The following SEPTIN6 variants were observed in gnomAD, a reference collection of about 807,000 sequenced individuals.
SEPTIN6 encodes the protein septin 6.
SEPTIN6 carries 8 observed loss-of-function variants against 33.6 expected under a neutral mutation model. That is an observed-to-expected ratio of 0.24 (90% CI 0.14 to 0.43). The LOEUF (loss-of-function observed/expected upper bound fraction) is 0.43. Among genes scored for constraint, SEPTIN6 ranks in the 20% least tolerant of loss-of-function variants. The probability of loss-of-function intolerance (pLI) is 1.00; values close to 1 mark genes in which losing one functional copy is unlikely to be tolerated. For missense variants in SEPTIN6, 250 were observed against 340.8 expected, an observed-to-expected ratio of 0.73 and a Z score of 2.10; for synonymous variants, 131 against 140.0, an observed-to-expected ratio of 0.94 and a Z score of 0.45.
intron 1 of SEPTIN6, among the ~76,000 whole-genome samples, chrX:119,679,111 T>G (rs566582547): frequency 1.0e-3 from 114 of 110,333 alleles, no homozygotes; most frequent in African/African-American, 3.6e-3. Context: ...GGCTAATTTT[T>G]TGTATATTTT....
chrX:119,680,333 G>A (rs923984944), intron 1 of SEPTIN6, among the ~76,000 whole-genome samples: 5 of 108,368 alleles, frequency 4.6e-5, no homozygotes, highest in African/African-American at 1.7e-4. Flanking sequence ...CTCAGCCTCC[G>A]GAGTAGCTGG....
At chrX:119,677,096 C>A (rs2054854729) in intron 1 of SEPTIN6, among the ~76,000 whole-genome samples, 1 of 110,002 alleles carries the variant, frequency 9.1e-6, no homozygotes, top group Non-Finnish European at 1.9e-5. Context: ...TATCCTTACA[C>A]CCCCAGCCTG....
intron 10 of SEPTIN6, among the ~76,000 whole-genome samples, chrX:119,623,349 A>G (rs2053799831): frequency 8.9e-6 from 1 of 111,752 alleles, no homozygotes; most frequent in South Asian, 3.7e-4. Context: ...TTAAAGAATC[A>G]TTATCTCTTG....
At chrX:119,670,140 G>T (rs1457751249) in intron 2 of SEPTIN6, among the ~76,000 whole-genome samples, 2 of 111,358 alleles carry the variant, frequency 1.8e-5, no homozygotes, top group African/African-American at 6.5e-5. Flanking sequence ...AAAGCTAAGG[G>T]ACTAGTATAT....
chrX:119,640,168 C>CTTTTTTTT (rs57021804), intron 6 of SEPTIN6, among the ~76,000 whole-genome samples: 45 of 20,174 alleles, frequency 2.2e-3, no homozygotes, highest in South Asian at 5.0e-3. Flanking sequence ...ACTATCCAGT[C>CTTTTTTTT]TTTTTTTTTT....
rs753118480 is a variant in SEPTIN6 at position 119,629,577 on chromosome X, G to A, written c.1090-69C>T. ...CAGTCCCCAGCCTGGCCAAGCCCAG[G>A]TGGGTGGGGACCAGTAGGGCTGTGA... is the stretch of plus-strand genomic sequence containing the variant. On this transcript the variant is annotated intron_variant, in intron 8 of 10. Coordinates refer to ENST00000394610, the MANE Select transcript of SEPTIN6 (RefSeq NM_145799.4). 148 of 1,019,462 alleles carry A rather than the reference G, an allele frequency of 1.5e-4. No individual in the cohort carries two copies. In the South Asian group the frequency reaches 2.8e-3, roughly 19 times the overall value. 84.0% of individuals were successfully genotyped at this position (1,019,462 alleles called of 1,213,427 possible).
In SEPTIN6 at chrX:119,663,551, C is replaced by T. The variant is rs1243232786; in HGVS notation, c.272G>A (p.Ser91Asn). The T allele has an allele frequency of 8.4e-7, 1 of 1,188,133 alleles. No homozygotes were observed. ...LQSNTYDLQE[S>N]NVRLKLTIVS... ...GATCGTGAGCTTTAGCCTCACGTTGCTCTCTTGGAGGTCATAGGTATTAGA... is the reference window on the plus strand; with the variant it reads ...GATCGTGAGCTTTAGCCTCACGTTGTTCTCTTGGAGGTCATAGGTATTAGA... Residue 91 changes from serine (S) to asparagine (N), a missense_variant, in exon 3 of 11, where the codon AGC (serine) becomes AAC (asparagine). Ser to Asn is a conservative substitution (Grantham distance 46). Around this residue, in one of 2 missense-constraint regions of SEPTIN6, gnomAD observed 111 missense variants for 113.8 expected, o/e 0.98. Coordinates refer to ENST00000394610, the MANE Select transcript of SEPTIN6 (RefSeq NM_145799.4).
chrX:119,658,433 C>T (rs2054489255), intron 3 of SEPTIN6, among the ~76,000 whole-genome samples: 1 of 111,966 alleles, frequency 8.9e-6, no homozygotes, highest in Admixed American at 9.5e-5. Flanking sequence ...TATTTAATTG[C>T]TCTGTTGGTA....
At chrX:119,621,446 GGTGT>G (rs34517524) in intron 10 of SEPTIN6, among the ~76,000 whole-genome samples, 8,097 of 63,367 alleles carry the variant, frequency 0.13, 415 homozygotes, top group South Asian at 0.3. Flanking sequence ...GCCCAGAGCT[GGTGT>G]GTGTGTGTGT....
At chrX:119,632,398 G>C (rs1362233692) in intron 8 of SEPTIN6, among the ~76,000 whole-genome samples, 3 of 108,895 alleles carry the variant, frequency 2.8e-5, no homozygotes, top group Non-Finnish European at 5.7e-5. Flanking sequence ...GGGTTTCACC[G>C]TGTTAGGCAG....
rs756895796 is a variant in SEPTIN6, at chrX:119,651,103, G to T, written c.529-1005C>A. Among the ~76,000 whole-genome samples, 5 of 110,801 alleles carry T rather than the reference G, an allele frequency of 4.5e-5. No individual in the cohort carries two copies. The South Asian group carries it at 1.9e-3, about 43-fold the overall frequency. On this transcript the variant is annotated intron_variant, in intron 4 of 10. Transcript: ENST00000394610. ...GCCAGTAGACTCCAACGGGGGGTGG[G>T]GGAGGGGCATAGGTGGCACTCAGGC...
intron 2 of SEPTIN6, among the ~76,000 whole-genome samples, chrX:119,674,576 C>T (rs1352125294): frequency 1.8e-5 from 2 of 111,583 alleles, no homozygotes; most frequent in Non-Finnish European, 3.8e-5. Flanking sequence ...ATATTGCTGG[C>T]AGCAGTTAGA....
chrX:119,653,124 T>C, intron 3 of SEPTIN6, 84 bp from the exon 4 acceptor site: 1 of 756,778 alleles, frequency 1.3e-6, no homozygotes, highest in African/African-American at 2.1e-5. Context: ...TCAAATGCCC[T>C]CTGTAATCTT....
In SEPTIN6 at chrX:119,624,580, C is replaced by A. The variant is rs184633667; in HGVS notation, c.*41+755G>T. Among the ~76,000 whole-genome samples, 11 of 111,640 alleles carry A rather than the reference C, an allele frequency of 9.9e-5. No individual in the cohort carries two copies. The East Asian group carries it at 2.5e-3, about 26-fold the overall frequency. ...ACAGAGAAGTGAGTTTCCATTGACT[C>A]TGGACATTCTCAAACCTGATGCAGG... On this transcript the variant is annotated intron_variant, in intron 10 of 10. Transcript: ENST00000394610.
chrX:119,646,890 T>C (rs762213456), intron 5 of SEPTIN6: 7 of 173,862 alleles, frequency 4.0e-5, no homozygotes, highest in Non-Finnish European at 6.6e-5. Flanking sequence ...CTGGGGACTT[T>C]TGACATAGTT....
intron 9 of SEPTIN6, among the ~76,000 whole-genome samples, chrX:119,627,817 T>G (rs1387043958): frequency 5.1e-4 from 50 of 97,265 alleles, no homozygotes; most frequent in Non-Finnish European, 8.7e-4. Context: ...TTTTTTTTTT[T>G]GAGACAGAGT....
At chrX:119,624,097 C>T (rs371637252) in intron 10 of SEPTIN6, 1 of 318,697 alleles carries the variant, frequency 3.1e-6, no homozygotes, top group Admixed American at 3.2e-5. Flanking sequence ...GTAAGGAATT[C>T]TCTATAATTT....
intron 1 of SEPTIN6, among the ~76,000 whole-genome samples, chrX:119,682,319 C>T (rs1381329455): frequency 3.6e-5 from 4 of 111,518 alleles, no homozygotes; most frequent in African/African-American, 1.3e-4. Flanking sequence ...AATTTTAAAA[C>T]ATTTTTAATA....
chrX:119,640,582 G>T, intron 6 of SEPTIN6, 110 bp downstream of exon 6: 2 of 611,563 alleles, frequency 3.3e-6, no homozygotes, highest in South Asian at 5.4e-5. Context: ...CATGCCGAAT[G>T]AGCAGAGACT....
Sources: allele counts gnomAD v4.1 joint callset (sites outside exome capture counted in the v4.1 genomes callset), GRCh38; gene constraint gnomAD v4.1.1; regional missense constraint gnomAD v4.1.1; transcripts MANE v1.5; gene names NCBI Gene and HGNC (gene_info 2026-07-23, HGNC 2026-07-21).